Variants in ANK2 observed in about 807,000 individuals in gnomAD.
ANK2 encodes the protein ankyrin 2.
Under a neutral mutation model 360.5 loss-of-function variants are expected in ANK2, and 83 were observed. The observed-to-expected ratio is 0.23, with a 90% CI of 0.19 to 0.28. ANK2 has a LOEUF of 0.28. Among genes scored for constraint, ANK2 ranks in the 10% least tolerant of loss-of-function variants. ANK2 has a pLI of 1.00. For synonymous variants in ANK2, 1,740 were observed against 1,759.5 expected, an observed-to-expected ratio of 0.99 and a Z score of 0.28; for missense variants, 4,201 against 4,795.7, an observed-to-expected ratio of 0.88 and a Z score of 3.66.
At chr4:113,011,880 T>C (rs1389929259) in intron 2 of ANK2, among the ~76,000 whole-genome samples, 1 of 152,102 alleles carries the variant, frequency 6.6e-6, no homozygotes, top group Non-Finnish European at 1.5e-5. Context: ...GTGCAAACAA[T>C]TTTATGCATA....
At position 113,343,153 on chromosome 4, in the gene ANK2, C is replaced by T. The variant is rs2153983812; in HGVS notation, c.4248+11C>T. The T allele has an allele frequency of 1.2e-6, 2 of 1,611,496 alleles. No homozygotes were observed. Among genetic ancestry groups the T allele is most frequent in the Non-Finnish European group, 8.5e-7 (1 of 1,178,424 alleles). Reference sequence around the variant, plus strand: ...CCTCTATTTGTCAAGGTAATATATACATGGAATTTTGTGATGCATTTTTTT... The same window carrying T: ...CCTCTATTTGTCAAGGTAATATATATATGGAATTTTGTGATGCATTTTTTT... On this transcript the variant is annotated intron_variant, in intron 34 of 45. Coordinates refer to ENST00000357077, the MANE Select transcript of ANK2 (RefSeq NM_001148.6).
At chr4:113,263,127 G>A (rs1315528358) in intron 13 of ANK2, among the ~76,000 whole-genome samples, 1 of 148,636 alleles carries the variant, frequency 6.7e-6, no homozygotes, top group Non-Finnish European at 1.5e-5. Flanking sequence ...GGCTGAGGCT[G>A]CAGTGAGCCG....
At chr4:112,915,274 G>A (rs1386088568) in intron 2 of ANK2, among the ~76,000 whole-genome samples, 1 of 152,042 alleles carries the variant, frequency 6.6e-6, no homozygotes, top group Non-Finnish European at 1.5e-5. Flanking sequence ...AATGTACTGG[G>A]ATAGACAGAT....
the ANK2 span, among the ~76,000 whole-genome samples, chr4:112,711,123 CT>C: frequency 2.7e-5 from 4 of 147,862 alleles, no homozygotes; most frequent in East Asian, 2.0e-4. Flanking sequence ...TTCATTCTTT[CT>C]TTTTTTTTCT....
upstream of ANK2, among the ~76,000 whole-genome samples, chr4:113,049,004 T>G (rs2065786577): frequency 6.7e-6 from 1 of 150,234 alleles, no homozygotes; most frequent in Non-Finnish European, 1.5e-5. Context: ...GAAAAGATGG[T>G]TAGGTATCTG....
chr4:113,247,702 T>TAG (rs1432173881), intron 9 of ANK2, among the ~76,000 whole-genome samples: 1 of 152,188 alleles, frequency 6.6e-6, no homozygotes, highest in African/African-American at 2.4e-5. Context: ...AGCTCAGCCT[T>TAG]AGAGAGATTC....
chr4:113,096,213 G>A (rs148118967), intron 1 of ANK2, among the ~76,000 whole-genome samples: 3 of 152,202 alleles, frequency 2.0e-5, no homozygotes, highest in East Asian at 1.9e-4. Context: ...TCCATCTTCC[G>A]TTTGAATGAG....
In ANK2 at chr4:113,168,562, T is replaced by C. The variant is rs141915353; in HGVS notation, c.85-5854T>C. Among the ~76,000 whole-genome samples the C allele has an allele frequency of 3.6e-3, 542 of 152,340 alleles. 4 individuals are homozygous for C. Among genetic ancestry groups the C allele is most frequent in the African/African-American group, 0.012 (513 of 41,582 alleles). On this transcript the variant is annotated intron_variant, in intron 1 of 45. Coordinates refer to ENST00000357077, the MANE Select transcript of ANK2 (RefSeq NM_001148.6). ...AAGAGCTGTTGAAGGACACCATATATGTAGGTTAACCTGCATGTTTGAGCC... is the reference window on the plus strand; with the variant it reads ...AAGAGCTGTTGAAGGACACCATATACGTAGGTTAACCTGCATGTTTGAGCC...
At chr4:113,213,389 T>A (rs1280460845) in intron 4 of ANK2, among the ~76,000 whole-genome samples, 1 of 152,204 alleles carries the variant, frequency 6.6e-6, no homozygotes, top group Non-Finnish European at 1.5e-5. Flanking sequence ...ATATCTAATG[T>A]TCTTGATTAT....
chr4:112,970,038 C>T (rs543991119), intron 2 of ANK2, among the ~76,000 whole-genome samples: 122 of 151,800 alleles, frequency 8.0e-4, no homozygotes, highest in African/African-American at 2.9e-3. Context: ...GGCTGGAGTG[C>T]GATGGTGCTA....
intron 3 of ANK2, 131 bp downstream of exon 3, chr4:113,196,597 G>C (rs1247060004): frequency 2.4e-6 from 2 of 846,684 alleles, no homozygotes; most frequent in Non-Finnish European, 3.8e-6. Flanking sequence ...GTACAATCAC[G>C]GCTCACCGAA....
the ANK2 span, among the ~76,000 whole-genome samples, chr4:112,778,545 T>A: frequency 6.6e-6 from 1 of 152,210 alleles, no homozygotes. Flanking sequence ...CATGTGTAGC[T>A]AAGGGTTGGG....
At chr4:112,737,168 T>A in the ANK2 span, among the ~76,000 whole-genome samples, 6 of 152,228 alleles carry the variant, frequency 3.9e-5, no homozygotes. Context: ...ATGGTGAGAA[T>A]TTATGCATAC....
chr4:112,997,989 C>T (rs12499424), intron 2 of ANK2, among the ~76,000 whole-genome samples: 50,880 of 150,702 alleles, frequency 0.34, 9,099 homozygotes, highest in East Asian at 0.53. Flanking sequence ...TACATAAGCA[C>T]GTGGAAAATT....
rs184227041 is a variant in ANK2, at chr4:113,341,633, T to G, written c.3894-55T>G. 1.7e-5 allele frequency: 26 copies of G among 1,575,068 alleles called. No individual in the cohort carries two copies. In the South Asian group the frequency reaches 2.5e-4, roughly 15 times the overall value. On this transcript the variant is annotated intron_variant, in intron 32 of 45. Coordinates refer to ENST00000357077, the MANE Select transcript of ANK2 (RefSeq NM_001148.6). ...GATCATATTGAAGGAACTGATTTTATTTTTCACATGGTATACTTTGAACTT... is the reference window on the plus strand; with the variant it reads ...GATCATATTGAAGGAACTGATTTTAGTTTTCACATGGTATACTTTGAACTT...
At chr4:113,255,482 G>T (rs2048802105) in intron 10 of ANK2, among the ~76,000 whole-genome samples, 1 of 152,102 alleles carries the variant, frequency 6.6e-6, no homozygotes, top group African/African-American at 2.4e-5. Context: ...AGGCTAAATT[G>T]CCACACATAC....
intron 2 of ANK2, among the ~76,000 whole-genome samples, chr4:113,005,691 A>C (rs1201889649): frequency 6.6e-6 from 1 of 152,166 alleles, no homozygotes; most frequent in Non-Finnish European, 1.5e-5. Context: ...GGGTAATATG[A>C]TTTGAATGTA....
At chr4:113,096,780 A>G (rs570465044) in intron 1 of ANK2, among the ~76,000 whole-genome samples, 22 of 152,062 alleles carry the variant, frequency 1.4e-4, no homozygotes, top group Non-Finnish European at 2.8e-4. Flanking sequence ...TAAGCCTTCA[A>G]TGCTGTATGT....
intron 30 of ANK2, chr4:113,336,338 TAAAGAA>T: frequency 1.7e-6 from 1 of 586,468 alleles, no homozygotes; most frequent in South Asian, 2.5e-5. Context: ...AATAAATTGT[TAAAGAA>T]TCAGATTATT....
Sources: allele counts gnomAD v4.1 joint callset (sites outside exome capture counted in the v4.1 genomes callset), GRCh38; gene constraint gnomAD v4.1.1; transcripts MANE v1.5; gene names NCBI Gene and HGNC (gene_info 2026-07-23, HGNC 2026-07-21).